Variants in RFTN1 observed in about 807,000 individuals in gnomAD.
RFTN1 encodes the protein raftlin, lipid raft linker 1, also known as raftlin.
Under a neutral mutation model 46.5 loss-of-function variants are expected in RFTN1, and 26 were observed. The observed-to-expected ratio is 0.56, with a 90% CI of 0.41 to 0.78. The LOEUF (loss-of-function observed/expected upper bound fraction) is 0.78. RFTN1 is among the 30% of genes least tolerant of loss of function. RFTN1 has a pLI of 0.00. For missense variants in RFTN1, 693 were observed against 718.7 expected (o/e 0.96, Z 0.41); for synonymous variants, 261 against 284.2 (o/e 0.92, Z 0.82).
chr3:16,325,000 A>G (rs1055430642), intron 8 of RFTN1, among the ~76,000 whole-genome samples: 4 of 151,990 alleles, frequency 2.6e-5, no homozygotes, highest in African/African-American at 7.3e-5. Context: ...AGCCATCCCA[A>G]TCAGTGTGAG....
Position 16,479,297 on chromosome 3 carries a change from G to T in RFTN1, c.145+14428C>A, listed in dbSNP as rs545309635. 1.2e-4 allele frequency among the ~76,000 whole-genome samples: 19 copies of T among 152,238 alleles called. No homozygotes were observed. The South Asian group carries it at 3.9e-3, about 32-fold the overall frequency. On this transcript the variant is annotated intron_variant, in intron 2 of 9. Coordinates refer to ENST00000334133, the MANE Select transcript of RFTN1 (RefSeq NM_015150.2). The surrounding 1 kb of genome is among the most constrained non-coding windows in gnomAD (Gnocchi z 5.1). ...GAAAGTAAATGGTATTAAGAAAAAA[G>T]ATATTTTCTTGGTTTTTAGTTGTTT...
intron 1 of RFTN1, among the ~76,000 whole-genome samples, chr3:16,502,646 G>T (rs776808896): frequency 9.2e-5 from 14 of 152,194 alleles, no homozygotes; most frequent in Non-Finnish European, 1.8e-4. Flanking sequence ...GCCATGTTGT[G>T]AGGACACTCT....
rs1375170209 is a variant in RFTN1 at position 16,334,621 on chromosome 3, G to C, written c.1147-7745C>G. ...CATACAGGATGAAGAGGGACAATGA[G>C]AGGGAATGAATTCTATTCTAGACAC... On this transcript the variant is annotated intron_variant, in intron 7 of 9. Coordinates refer to ENST00000334133, the MANE Select transcript of RFTN1 (RefSeq NM_015150.2). This position sits in a 1 kb window ranked among gnomAD's most constrained non-coding sequence, Gnocchi z 4.3. Among the ~76,000 whole-genome samples the C allele has an allele frequency of 6.6e-6, 1 of 152,144 alleles. No homozygotes were observed. The highest frequency in any genetic ancestry group is 2.4e-5 in the African/African-American group (1 of 41,426).
intron 2 of RFTN1, among the ~76,000 whole-genome samples, chr3:16,436,957 A>C (rs770148333): frequency 1.4e-4 from 22 of 152,232 alleles, no homozygotes; most frequent in Non-Finnish European, 2.6e-4. Context: ...CCACTAAAAA[A>C]GTCTGTGGGT....
intron 2 of RFTN1, among the ~76,000 whole-genome samples, chr3:16,478,078 C>T (rs559546174): frequency 1.8e-4 from 28 of 152,326 alleles, no homozygotes; most frequent in African/African-American, 6.0e-4. Context: ...AGGACCATCG[C>T]TCCCATCTCC....
intron 2 of RFTN1, among the ~76,000 whole-genome samples, chr3:16,488,373 A>C (rs745803758): frequency 2.6e-5 from 4 of 152,182 alleles, no homozygotes; most frequent in Non-Finnish European, 4.4e-5. Context: ...TGTTGGGATT[A>C]CAGGCGTGAG....
At chr3:16,324,608 C>T (rs1163290482) in intron 8 of RFTN1, among the ~76,000 whole-genome samples, 4 of 108,968 alleles carry the variant, frequency 3.7e-5, no homozygotes, top group Admixed American at 9.2e-5. Flanking sequence ...AACAGAATGT[C>T]CCTGACCCCC....
At chr3:16,354,092 A>C (rs2072268995) in intron 7 of RFTN1, among the ~76,000 whole-genome samples, 1 of 152,238 alleles carries the variant, frequency 6.6e-6, no homozygotes, top group Admixed American at 6.5e-5. Flanking sequence ...CCTTCAACCC[A>C]ATCAGCAAGC....
chr3:16,365,594 G>A (rs529030438), intron 6 of RFTN1, among the ~76,000 whole-genome samples: 124 of 143,280 alleles, frequency 8.7e-4, no homozygotes, highest in African/African-American at 3.0e-3. Context: ...CTGGGGCACC[G>A]GAGAAAGTCT....
chr3:16,462,924 A>G (rs2076031870), intron 2 of RFTN1, among the ~76,000 whole-genome samples: 1 of 152,248 alleles, frequency 6.6e-6, no homozygotes, highest in Non-Finnish European at 1.5e-5. Flanking sequence ...TGAGCTTAAC[A>G]AAAGTAAAGA....
intron 4 of RFTN1, among the ~76,000 whole-genome samples, chr3:16,408,292 C>T (rs2074907703): frequency 6.6e-6 from 1 of 152,192 alleles, no homozygotes; most frequent in African/African-American, 2.4e-5. Flanking sequence ...CCTTGCTCCT[C>T]AGCCCCGGCC....
In RFTN1 at chr3:16,381,443, C is replaced by T. The variant is rs949471679; in HGVS notation, c.442-3341G>A. 2.6e-5 allele frequency among the ~76,000 whole-genome samples: 4 copies of T among 152,314 alleles called. No individual in the cohort carries two copies. The highest frequency in any genetic ancestry group is 2.1e-4 in the South Asian group (1 of 4,822). On this transcript the variant is annotated intron_variant, in intron 4 of 9. Coordinates refer to ENST00000334133, the MANE Select transcript of RFTN1 (RefSeq NM_015150.2). The surrounding 1 kb of genome is among the most constrained non-coding windows in gnomAD (Gnocchi z 4.2). ...CTGAAGGGGAGGTTGAGAAAAGTTTCTCCGAGTAGATCAGGGATGTAACAA... is the reference window on the plus strand; with the variant it reads ...CTGAAGGGGAGGTTGAGAAAAGTTTTTCCGAGTAGATCAGGGATGTAACAA...
rs4643693 is a variant in RFTN1 at position 16,382,252 on chromosome 3, T to C, written c.442-4150A>G. Among the ~76,000 whole-genome samples the C allele has an allele frequency of 0.18, 27,830 of 152,202 alleles. 3,132 individuals carry two copies. The highest frequency in any genetic ancestry group is 0.45 in the East Asian group (2,329 of 5,160). ...AAAAGGGTGCGTAGTCCTTTTTAAC[T>C]AGACGACCACATTTAGATTTTATGA... On this transcript the variant is annotated intron_variant, in intron 4 of 9. Coordinates refer to ENST00000334133, the MANE Select transcript of RFTN1 (RefSeq NM_015150.2). The surrounding 1 kb of genome is among the most constrained non-coding windows in gnomAD (Gnocchi z 4.7).
At position 16,381,642 on chromosome 3, in the gene RFTN1, A is replaced by G. The variant is rs1157913692; in HGVS notation, c.442-3540T>C. 6.6e-6 allele frequency among the ~76,000 whole-genome samples: 1 copy of G among 152,214 alleles called. No homozygotes were observed. Among genetic ancestry groups the G allele is most frequent in the Non-Finnish European group, 1.5e-5 (1 of 68,034 alleles). ...TGAAGGATGAATAAGAGTTCAGCAC[A>G]TATGTAAAGGAAAAGGAGAGGGCAA... On this transcript the variant is annotated intron_variant, in intron 4 of 9. Coordinates refer to ENST00000334133, the MANE Select transcript of RFTN1 (RefSeq NM_015150.2). The surrounding 1 kb of genome is among the most constrained non-coding windows in gnomAD (Gnocchi z 4.2).
Position 16,377,717 on chromosome 3 carries a change from C to G in RFTN1, c.826+1G>C, listed in dbSNP as rs199528537. 2 of 1,583,426 alleles carry G rather than the reference C, an allele frequency of 1.3e-6. No individual in the cohort carries two copies. The highest frequency in any genetic ancestry group is 2.3e-5 in the East Asian group (1 of 44,252). ...AAAACTCCCATTGCTGACATACTTA[C>G]TCCCTGAGAGTGGCTCTTCATGCAC... On this transcript the variant is annotated splice_donor_variant, in intron 5 of 9. Transcript: ENST00000334133. LOFTEE classifies it high-confidence loss of function.
At chr3:16,431,657 TGC>T (rs1374289839) in intron 3 of RFTN1, among the ~76,000 whole-genome samples, 1 of 152,214 alleles carries the variant, frequency 6.6e-6, no homozygotes, top group Non-Finnish European at 1.5e-5. Context: ...TCGGATAATC[TGC>T]AGAATAGAAT....
intron 6 of RFTN1, among the ~76,000 whole-genome samples, chr3:16,362,855 C>A (rs1370731443): frequency 6.6e-6 from 1 of 152,164 alleles, no homozygotes; most frequent in Non-Finnish European, 1.5e-5. Context: ...ACACTCACAG[C>A]CCATCCAGAC....
intron 2 of RFTN1, among the ~76,000 whole-genome samples, chr3:16,476,804 G>GTTGA (rs1461478887): frequency 6.6e-6 from 1 of 152,166 alleles, no homozygotes; most frequent in Non-Finnish European, 1.5e-5. Context: ...TAGCTTAGTG[G>GTTGA]TTGAGTTCAT....
intron 7 of RFTN1, among the ~76,000 whole-genome samples, chr3:16,331,486 G>A (rs2070306019): frequency 1.3e-5 from 2 of 152,048 alleles, no homozygotes. Flanking sequence ...CTATGACCAT[G>A]CCTTCTTTTT....
Sources: allele counts gnomAD v4.1 joint callset (sites outside exome capture counted in the v4.1 genomes callset), GRCh38; gene constraint gnomAD v4.1.1; non-coding constraint Gnocchi (gnomAD v3.1); transcripts MANE v1.5; gene names NCBI Gene and HGNC (gene_info 2026-07-23, HGNC 2026-07-21).